PNPLA1: variants seen among roughly 807,000 people sequenced by gnomAD.
PNPLA1 encodes the protein patatin like domain 1, omega-hydroxyceramide transacylase, also known as omega-hydroxyceramide transacylase.
Under a neutral mutation model 51.7 loss-of-function variants are expected in PNPLA1, and 36 were observed. The observed-to-expected ratio is 0.70, with a 90% CI of 0.53 to 0.92. PNPLA1 has a LOEUF of 0.92. PNPLA1 is among the 40% of genes least tolerant of loss of function. PNPLA1 has a pLI of 0.00. For synonymous variants in PNPLA1, 293 were observed against 280.1 expected, an observed-to-expected ratio of 1.05 and a Z score of -0.46; for missense variants, 658 against 682.5, an observed-to-expected ratio of 0.96 and a Z score of 0.40.
chr6:36,306,508 T>C, intron 7 of PNPLA1, 132 bp downstream of exon 7: 1 of 779,512 alleles, frequency 1.3e-6, no homozygotes, highest in Non-Finnish European at 2.1e-6. Context: ...GATTGTGTGA[T>C]TCCAGGTCCA....
At chr6:36,248,901 T>C (rs1351146148) in intron 1 of PNPLA1, among the ~76,000 whole-genome samples, 1 of 151,516 alleles carries the variant, frequency 6.6e-6, no homozygotes, top group Non-Finnish European at 1.5e-5. Context: ...AAAGGGGGGG[T>C]GTGGGCAAGG....
intron 1 of PNPLA1, among the ~76,000 whole-genome samples, chr6:36,282,039 A>G (rs922239931): frequency 8.3e-6 from 1 of 121,086 alleles, no homozygotes; most frequent in African/African-American, 3.3e-5. Context: ...GAAAGAAAGA[A>G]AGAAGGAAAG....
chr6:36,274,584 G>A (rs1770034413), intron 1 of PNPLA1, among the ~76,000 whole-genome samples: 1 of 152,116 alleles, frequency 6.6e-6, no homozygotes, highest in Non-Finnish European at 1.5e-5. Flanking sequence ...CACATGACAT[G>A]TATATCATTC....
At chr6:36,248,896 G>C (rs572387890) in intron 1 of PNPLA1, among the ~76,000 whole-genome samples, 2 of 152,302 alleles carry the variant, frequency 1.3e-5, no homozygotes, top group African/African-American at 2.4e-5. Context: ...CTGAAAAAGG[G>C]GGGGTGTGGG....
intron 1 of PNPLA1, chr6:36,243,370 G>T (rs1769183414): frequency 3.3e-5 from 5 of 152,246 alleles, no homozygotes; most frequent in Admixed American, 3.3e-4. Context: ...GAGAGTGAGG[G>T]AGGAAAGATT....
chr6:36,268,475 G>A (rs774884720), upstream of PNPLA1, among the ~76,000 whole-genome samples: 3 of 152,078 alleles, frequency 2.0e-5, no homozygotes, highest in Admixed American at 1.3e-4. Context: ...CCTTCATCCT[G>A]TGAAACAGGT....
Position 36,307,589 on chromosome 6 carries a change from A to G in PNPLA1, c.1472A>G (p.Glu491Gly). 1 of 1,613,392 alleles carries G rather than the reference A, an allele frequency of 6.2e-7. No individual in the cohort carries two copies. Among genetic ancestry groups the G allele is most frequent in the Non-Finnish European group, 8.5e-7 (1 of 1,179,648 alleles). ...ATCTACTTAATCTCTTTGCCTAGGG[A>G]GAGCCCTGCTGAAGACTCAAACTGG... Reference protein sequence around the residue: ...KETVSKPYVTESPAEDSNWVN... With the variant: ...KETVSKPYVTGSPAEDSNWVN... Residue 491 changes from glutamate (E) to glycine (G), a missense_variant and splice_region_variant, in exon 8 of 9, where the codon GAG becomes GGG. Glu to Gly is a moderately conservative substitution (Grantham distance 98). Coordinates refer to ENST00000636260, the MANE Select transcript of PNPLA1 (RefSeq NM_001374623.1).
chr6:36,246,336 T>C (rs1769281389), intron 1 of PNPLA1, among the ~76,000 whole-genome samples: 2 of 152,018 alleles, frequency 1.3e-5, no homozygotes, highest in East Asian at 1.9e-4. Flanking sequence ...TCCCAAGTAG[T>C]TGGGATTACA....
In PNPLA1 at chr6:36,307,665, A is replaced by C; in HGVS notation, c.1548A>C (p.Lys516Asn). Residue 516 changes from lysine (K) to asparagine (N), a missense_variant, in exon 8 of 9, where the codon AAA (lysine) becomes AAC (asparagine). Physicochemically the swap from Lys to Asn is moderately conservative, Grantham distance 94 (BLOSUM62 0). Transcript: ENST00000636260. ...KNKQKTSGTRKGFPRHSGSKK... is the reference protein window; with the variant it reads ...KNKQKTSGTRNGFPRHSGSKK... ...AGCAAAAGACAAGTGGCACCAGAAA[A>C]GGCTTCCCAAGACATTCGGGATCCA... 1 of 1,614,008 alleles carries C rather than the reference A, an allele frequency of 6.2e-7. No homozygotes were observed. Among genetic ancestry groups the C allele is most frequent in the Non-Finnish European group, 8.5e-7 (1 of 1,179,976 alleles).
At position 36,313,388 on chromosome 6, in the gene PNPLA1, C is replaced by T. The variant is rs1181073491; in HGVS notation, c.*1502C>T. Among the ~76,000 whole-genome samples the T allele has an allele frequency of 6.6e-6, 1 of 152,150 alleles. No homozygotes were observed. The highest frequency in any genetic ancestry group is 1.5e-5 in the Non-Finnish European group (1 of 68,038). On this transcript the variant is annotated 3_prime_UTR_variant, in exon 9 of 9. Coordinates refer to ENST00000636260, the MANE Select transcript of PNPLA1 (RefSeq NM_001374623.1). ...CCCAGCTGCCCACAGGCCTCAGGTA[C>T]ATTTGCTTACCAAATCCTGAAATGC...
At chr6:36,246,058 T>A (rs1001279453) in intron 1 of PNPLA1, among the ~76,000 whole-genome samples, 1 of 152,178 alleles carries the variant, frequency 6.6e-6, no homozygotes. Context: ...ATTTTGTGAG[T>A]CCTCACAACA....
intron 2 of PNPLA1, among the ~76,000 whole-genome samples, chr6:36,291,801 C>T (rs1770694242): frequency 6.6e-6 from 1 of 152,210 alleles, no homozygotes; most frequent in African/African-American, 2.4e-5. Context: ...CTGCCCGGCC[C>T]CCTGCGCTAA....
At chr6:36,306,166 A>T in intron 6 of PNPLA1, 126 bp from the exon 7 acceptor site, 1 of 726,194 alleles carries the variant, frequency 1.4e-6, no homozygotes, top group Admixed American at 3.1e-5. Flanking sequence ...TAAAGATGAG[A>T]ATTTGAGGAC....
intron 1 of PNPLA1, among the ~76,000 whole-genome samples, chr6:36,285,495 A>AT (rs1482350904): frequency 3.3e-5 from 5 of 152,104 alleles, no homozygotes; most frequent in Non-Finnish European, 7.4e-5. Flanking sequence ...CCTTTCTATG[A>AT]TTTTTCATTT....
chr6:36,295,458 G>A (rs1324343575), intron 5 of PNPLA1, 34 bp downstream of exon 5: 8 of 1,606,090 alleles, frequency 5.0e-6, no homozygotes, highest in Non-Finnish European at 6.8e-6. Flanking sequence ...TAAGGGCAGT[G>A]TTGGAGGGTA....
At chr6:36,282,760 A>C (rs1770358317) in intron 1 of PNPLA1, among the ~76,000 whole-genome samples, 1 of 152,184 alleles carries the variant, frequency 6.6e-6, no homozygotes, top group African/African-American at 2.4e-5. Flanking sequence ...ATCTCAGCTC[A>C]CTGCAACCTC....
chr6:36,287,811 A>G (rs1770546398), intron 1 of PNPLA1, among the ~76,000 whole-genome samples: 1 of 151,772 alleles, frequency 6.6e-6, no homozygotes, highest in Non-Finnish European at 1.5e-5. Flanking sequence ...GAGAGAAGTA[A>G]GAAGATGCAG....
At chr6:36,255,945 G>A (rs929020716) in intron 1 of PNPLA1, among the ~76,000 whole-genome samples, 4 of 152,204 alleles carry the variant, frequency 2.6e-5, no homozygotes, top group African/African-American at 9.7e-5. Context: ...AGATGTTGCT[G>A]TTCACATACC....
chr6:36,306,442 T>C (rs1366473064), intron 7 of PNPLA1, 66 bp downstream of exon 7: 2 of 1,404,274 alleles, frequency 1.4e-6, no homozygotes, highest in African/African-American at 2.9e-5. Flanking sequence ...GGCTAAGCGA[T>C]ATCTTCCACC....
Sources: allele counts gnomAD v4.1 joint callset (sites outside exome capture counted in the v4.1 genomes callset), GRCh38; gene constraint gnomAD v4.1.1; transcripts MANE v1.5; gene names NCBI Gene and HGNC (gene_info 2026-07-23, HGNC 2026-07-21).